The following HSD17B4 variants were observed in gnomAD, a reference collection of about 807,000 sequenced individuals.
HSD17B4 encodes the protein peroxisomal multifunctional enzyme type 2.
In HSD17B4, 70 loss-of-function variants were observed where a neutral mutation model predicts 101.0. That is an observed-to-expected ratio of 0.69 (90% CI 0.57 to 0.85). The LOEUF (loss-of-function observed/expected upper bound fraction) is 0.85, where lower values mean the gene tolerates loss of function less well. Among genes scored for constraint, HSD17B4 ranks in the 40% least tolerant of loss-of-function variants. The pLI is 0.00. For synonymous variants in HSD17B4, 347 were observed against 297.1 expected (o/e 1.17, Z -1.73); for missense variants, 984 against 892.4 (o/e 1.10, Z -1.31).
chr5:119,488,803 T>G (rs1185017405), intron 8 of HSD17B4, among the ~76,000 whole-genome samples: 1 of 152,116 alleles, frequency 6.6e-6, no homozygotes, highest in Non-Finnish European at 1.5e-5. Context: ...CTAGGCTGTT[T>G]TGTGATTTTC....
intron 17 of HSD17B4, among the ~76,000 whole-genome samples, chr5:119,521,039 G>C (rs890341701): frequency 6.6e-6 from 1 of 152,138 alleles, no homozygotes. Context: ...TTTTGCCAAA[G>C]CTTCTTAGTC....
At chr5:119,507,373 A>T (rs974100406) in intron 15 of HSD17B4, among the ~76,000 whole-genome samples, 1 of 152,232 alleles carries the variant, frequency 6.6e-6, no homozygotes, top group African/African-American at 2.4e-5. Flanking sequence ...TGAACTTATG[A>T]TGTGGTTTAA....
chr5:119,495,054 T>A (rs1032337121), intron 11 of HSD17B4, among the ~76,000 whole-genome samples: 11 of 151,760 alleles, frequency 7.2e-5, no homozygotes, highest in African/African-American at 2.4e-4. Context: ...TTTTTTCTCC[T>A]TAATGATACT....
intron 22 of HSD17B4, chr5:119,535,972 G>A (rs1163291800): frequency 4.9e-6 from 1 of 204,910 alleles, no homozygotes; most frequent in Non-Finnish European, 9.9e-6. Context: ...ATTAAATGCT[G>A]TGAAGTATGA....
At chr5:119,489,693 T>G (rs925952175) in intron 9 of HSD17B4, among the ~76,000 whole-genome samples, 3 of 152,202 alleles carry the variant, frequency 2.0e-5, no homozygotes, top group African/African-American at 7.2e-5. Context: ...CTACAAGTCA[T>G]ATTTTAAACC....
chr5:119,496,949 A>G (rs922103789), intron 12 of HSD17B4, among the ~76,000 whole-genome samples: 5 of 152,054 alleles, frequency 3.3e-5, no homozygotes, highest in African/African-American at 1.2e-4. Context: ...AGAGTACTTT[A>G]TTTGTCTTTT....
At position 119,469,156 on chromosome 5, in the gene HSD17B4, A is replaced by G. The variant is rs186098935; in HGVS notation, c.113-4752A>G. ...TGATTTTCTTGTATTATCTATCTATATTTTTCTTGTATCTCACTGGATTTC... is the reference window on the plus strand; with the variant it reads ...TGATTTTCTTGTATTATCTATCTATGTTTTTCTTGTATCTCACTGGATTTC... On this transcript the variant is annotated intron_variant, in intron 2 of 23. Coordinates refer to ENST00000510025, the MANE Select transcript of HSD17B4 (RefSeq NM_000414.4). Among the ~76,000 whole-genome samples, 147 of 149,648 alleles carry G rather than the reference A, an allele frequency of 9.8e-4. 2 individuals carry two copies. The highest frequency in any genetic ancestry group is 3.8e-3 in the South Asian group (18 of 4,772).
chr5:119,483,773 A>G (rs895819531), intron 8 of HSD17B4, among the ~76,000 whole-genome samples: 5 of 152,106 alleles, frequency 3.3e-5, no homozygotes, highest in Admixed American at 6.6e-5. Flanking sequence ...CATTATTTCA[A>G]AGTAAATCCT....
Position 119,493,936 on chromosome 5 carries a change from G to T in HSD17B4, c.858G>T (p.Gln286His), listed in dbSNP as rs1369315663. ...ICDFENASKPQSIQESTGSII... is the reference protein window; with the variant it reads ...ICDFENASKPHSIQESTGSII... ...ACTTTGAGAATGCCAGCAAGCCTCA[G>T]AGTATCCAAGGTAAAGAGAGTCCCC... The change falls in exon 11 of 24, where the codon CAG (glutamine) becomes CAT (histidine). Residue 286 changes from glutamine (Q) to histidine (H), a missense_variant. Coordinates refer to ENST00000510025, the MANE Select transcript of HSD17B4 (RefSeq NM_000414.4). 6 of 1,613,188 alleles carry T rather than the reference G, an allele frequency of 3.7e-6. No individual in the cohort carries two copies. Among genetic ancestry groups the T allele is most frequent in the Non-Finnish European group, 5.1e-6 (6 of 1,179,380 alleles).
intron 14 of HSD17B4, among the ~76,000 whole-genome samples, chr5:119,506,616 A>T (rs1163961362): frequency 6.6e-6 from 1 of 152,202 alleles, no homozygotes; most frequent in Non-Finnish European, 1.5e-5. Flanking sequence ...TGGTTGAACT[A>T]ATTTACACTC....
At chr5:119,474,039 C>G (rs995083166) in intron 3 of HSD17B4, 24 bp downstream of exon 3, 4 of 1,216,130 alleles carry the variant, frequency 3.3e-6, no homozygotes, top group African/African-American at 1.5e-5. Flanking sequence ...GAGAACTATA[C>G]TATTTATTTT....
chr5:119,461,937 T>C (rs544739837), intron 2 of HSD17B4, among the ~76,000 whole-genome samples: 16 of 152,270 alleles, frequency 1.1e-4, no homozygotes, highest in Middle Eastern at 3.4e-3. Context: ...TAGCACGTAT[T>C]TGACAAAATT....
chr5:119,469,436 C>T (rs377725421), intron 2 of HSD17B4, among the ~76,000 whole-genome samples: 1 of 152,074 alleles, frequency 6.6e-6, no homozygotes, highest in Admixed American at 6.5e-5. Flanking sequence ...CTCATTGCAA[C>T]CTCTGCCTCC....
intron 14 of HSD17B4, among the ~76,000 whole-genome samples, chr5:119,506,370 T>C (rs2126805075): frequency 6.6e-6 from 1 of 152,364 alleles, no homozygotes; most frequent in South Asian, 2.1e-4. Context: ...GGCTGCATAG[T>C]ATTCCATGGT....
Position 119,509,143 on chromosome 5 carries a change from T to G in HSD17B4, c.1336T>G (p.Tyr446Asp), listed in dbSNP as rs960323137. 2 of 1,513,532 alleles carry G rather than the reference T, an allele frequency of 1.3e-6. No individual in the cohort carries two copies. Among genetic ancestry groups the G allele is most frequent in the African/African-American group, 2.7e-5 (2 of 72,908 alleles). 93.8% of individuals were successfully genotyped at this position (1,513,532 alleles called of 1,614,324 possible). A position where few individuals can be genotyped will look rare whatever the true frequency, so the allele number is the denominator to read the frequency against. Residue 446 changes from tyrosine to aspartate, a missense_variant and splice_region_variant, in exon 16 of 24, where the codon TAT becomes GAT. Tyr to Asp is a radical substitution (Grantham distance 160). Coordinates refer to ENST00000510025, the MANE Select transcript of HSD17B4 (RefSeq NM_000414.4). ...GSGVVIIMDV[Y>D]SYSEKELICH... ...TTTTTCTTTTATTTACTTTTCAGTC[T>G]ATTCTTATTCTGAGAAGGAACTTAT...
intron 4 of HSD17B4, among the ~76,000 whole-genome samples, chr5:119,475,368 G>T (rs1298091522): frequency 6.6e-6 from 1 of 152,102 alleles, no homozygotes; most frequent in Admixed American, 6.5e-5. Flanking sequence ...GAATTTTGAG[G>T]TTAAGTGTAG....
intron 13 of HSD17B4, among the ~76,000 whole-genome samples, chr5:119,501,711 T>C (rs1283123378): frequency 6.6e-6 from 1 of 152,140 alleles, no homozygotes; most frequent in Non-Finnish European, 1.5e-5. Context: ...ATGCCCAATA[T>C]GTTCCAGGCA....
chr5:119,477,290 C>T (rs773046189), intron 6 of HSD17B4, 127 bp from the exon 7 acceptor site: 58 of 689,344 alleles, frequency 8.4e-5, no homozygotes, highest in Non-Finnish European at 1.4e-4. Flanking sequence ...TGGGGTGTGA[C>T]AGTAGGCAAT....
chr5:119,529,854 G>A (rs1454174509), intron 20 of HSD17B4, 40 bp from the exon 21 acceptor site: 5 of 1,175,326 alleles, frequency 4.3e-6, no homozygotes, highest in African/African-American at 3.0e-5. Flanking sequence ...CACTTCCATT[G>A]TAATCAGAAT....
Sources: allele counts gnomAD v4.1 joint callset (sites outside exome capture counted in the v4.1 genomes callset), GRCh38; gene constraint gnomAD v4.1.1; transcripts MANE v1.5; gene names NCBI Gene and HGNC (gene_info 2026-07-23, HGNC 2026-07-21).